Variants in ANXA6 observed in about 807,000 individuals in gnomAD.
ANXA6 encodes 67 kDa calelectrin.
A neutral mutation model predicts 95.4 loss-of-function variants in ANXA6; 71 were observed. That is an observed-to-expected ratio of 0.74 (90% CI 0.61 to 0.91). The LOEUF (loss-of-function observed/expected upper bound fraction) is 0.91. Ranked by LOEUF, ANXA6 falls within the 40% of genes least tolerant of loss-of-function variation. ANXA6 has a pLI of 0.00. For synonymous variants in ANXA6, 289 were observed against 315.9 expected (o/e 0.91, Z 0.90); for missense variants, 830 against 876.4 (o/e 0.95, Z 0.67).
intron 23 of ANXA6, among the ~76,000 whole-genome samples, chr5:151,107,886 T>C (rs1561564827): frequency 2.0e-5 from 3 of 149,270 alleles, no homozygotes; most frequent in African/African-American, 7.3e-5. Context: ...TGTATGTGTC[T>C]TGTATGTGTG....
At chr5:151,127,575 C>A (rs1765362688) in intron 13 of ANXA6, among the ~76,000 whole-genome samples, 1 of 152,350 alleles carries the variant, frequency 6.6e-6, no homozygotes, top group South Asian at 2.1e-4. Flanking sequence ...GGCTCTTCCC[C>A]TTCCTCCTTG....
At chr5:151,103,860 C>T (rs946219471) in intron 24 of ANXA6, among the ~76,000 whole-genome samples, 168 bp from the exon 25 acceptor site, 3 of 152,216 alleles carry the variant, frequency 2.0e-5, no homozygotes, top group East Asian at 3.8e-4. Context: ...CCCTCTGTGC[C>T]CAGGACTGGC....
chr5:151,153,204 C>A (rs1766150286), intron 1 of ANXA6, among the ~76,000 whole-genome samples: 1 of 152,172 alleles, frequency 6.6e-6, no homozygotes, highest in Non-Finnish European at 1.5e-5. Flanking sequence ...ACGCCTTCCA[C>A]CAACATTTTT....
At chr5:151,139,767 G>T (rs532424134) in intron 3 of ANXA6, among the ~76,000 whole-genome samples, 1 of 152,266 alleles carries the variant, frequency 6.6e-6, no homozygotes, top group South Asian at 2.1e-4. Flanking sequence ...GAAAACCCAG[G>T]TATCCTAACA....
At chr5:151,129,255 T>C (rs1172779350) in intron 12 of ANXA6, among the ~76,000 whole-genome samples, 152 bp downstream of exon 12, 2 of 152,224 alleles carry the variant, frequency 1.3e-5, no homozygotes, top group African/African-American at 4.8e-5. Flanking sequence ...TATCCTTAAA[T>C]TCCTTGAATG....
At chr5:151,108,016 CTGTGTGTGA>C (rs1274653247) in intron 23 of ANXA6, among the ~76,000 whole-genome samples, 1 of 151,734 alleles carries the variant, frequency 6.6e-6, no homozygotes, top group East Asian at 1.9e-4. Context: ...ATAATGTGTT[CTGTGTGTGA>C]TGTGTGTATG....
At chr5:151,112,374 GA>G (rs1210057997) in intron 20 of ANXA6, among the ~76,000 whole-genome samples, 1 of 152,120 alleles carries the variant, frequency 6.6e-6, no homozygotes, top group African/African-American at 2.4e-5. Flanking sequence ...CACCTTTGAG[GA>G]GAGGGACTAT....
chr5:151,129,972 G>A (rs912712541), intron 11 of ANXA6, among the ~76,000 whole-genome samples: 4 of 152,158 alleles, frequency 2.6e-5, no homozygotes, highest in Non-Finnish European at 5.9e-5. Flanking sequence ...AAAATGCTAC[G>A]ATTACACACA....
At position 151,122,939 on chromosome 5, in the gene ANXA6, G is replaced by T. The variant is rs769535547; in HGVS notation, c.1211C>A (p.Thr404Asn). ...TACCCGGCCAAAGTGAGACTTGAAG[G>T]TCTGCCGGATCTGCTGCCGCTGGAC... ...SNVQRQQIRQ[T>N]FKSHFGRDLM... The change falls in exon 16 of 26, where the codon ACC (threonine) becomes AAC (asparagine). Residue 404 changes from threonine (T) to asparagine (N), a missense_variant. Transcript: ENST00000354546. The T allele has an allele frequency of 2.1e-5, 34 of 1,613,848 alleles. No individual in the cohort carries two copies. Among genetic ancestry groups the T allele is most frequent in the East Asian group, 1.1e-4 (5 of 44,904 alleles).
At chr5:151,104,264 T>G (rs6896621) in intron 24 of ANXA6, among the ~76,000 whole-genome samples, 115,986 of 152,150 alleles carry the variant, frequency 0.76, 44,956 homozygotes, top group African/African-American at 0.92. Context: ...ATAAATTTCT[T>G]TTGTCACCCA....
Position 151,101,281 on chromosome 5 carries a change from G to C in ANXA6, c.*167C>G, listed in dbSNP as rs548403203. ...CCGTGCTGGGCCCTCGATGGCCCGT[G>C]GGAGTGGGAGCGTTTCCTAAGCTCC... On this transcript the variant is annotated 3_prime_UTR_variant, in exon 26 of 26. Coordinates refer to ENST00000354546, the MANE Select transcript of ANXA6 (RefSeq NM_001155.5). 3.0e-6 allele frequency: 2 copies of C among 675,948 alleles called. No individual in the cohort carries two copies. The highest frequency in any genetic ancestry group is 3.5e-5 in the South Asian group (2 of 57,738). 41.9% of individuals were successfully genotyped at this position (675,948 alleles called of 1,614,324 possible). A position where few individuals can be genotyped will look rare whatever the true frequency, so the allele number is the denominator to read the frequency against.
At chr5:151,120,212 A>C (rs4958898) in intron 17 of ANXA6, among the ~76,000 whole-genome samples, 7,484 of 152,110 alleles carry the variant, frequency 0.049, 344 homozygotes, top group South Asian at 0.19. Flanking sequence ...GAGGCGTTAC[A>C]TGCCCTGGAC....
At chr5:151,105,044 C>T (rs1051181375) in intron 24 of ANXA6, among the ~76,000 whole-genome samples, 3 of 152,286 alleles carry the variant, frequency 2.0e-5, no homozygotes, top group South Asian at 2.1e-4. Context: ...AAATATCCTC[C>T]GGGGCGGGGG....
At chr5:151,139,173 C>T in intron 4 of ANXA6, 180 bp downstream of exon 4, 1 of 598,694 alleles carries the variant, frequency 1.7e-6, no homozygotes, top group East Asian at 2.8e-5. Flanking sequence ...ACAGCAGGTG[C>T]TGTGGGTGTA....
At chr5:151,152,707 T>C (rs549204049) in intron 1 of ANXA6, among the ~76,000 whole-genome samples, 1 of 152,290 alleles carries the variant, frequency 6.6e-6, no homozygotes, top group Non-Finnish European at 1.5e-5. Flanking sequence ...TTATGTCCCA[T>C]TTTTATTTGT....
At chr5:151,117,614 A>G (rs2113908823) in intron 19 of ANXA6, 144 bp downstream of exon 19, 1 of 704,092 alleles carries the variant, frequency 1.4e-6, no homozygotes, top group Middle Eastern at 3.7e-4. Flanking sequence ...TAGGCGGTGG[A>G]ACTCTAAGGA....
chr5:151,125,772 C>T (rs564389086), intron 14 of ANXA6, among the ~76,000 whole-genome samples: 1 of 152,208 alleles, frequency 6.6e-6, no homozygotes, highest in Non-Finnish European at 1.5e-5. Context: ...GAACACTGTC[C>T]TAGAACATCA....
At chr5:151,131,361 CTT>C (rs771706824) in intron 10 of ANXA6, 72 bp from the exon 11 acceptor site, 75 of 1,493,750 alleles carry the variant, frequency 5.0e-5, no homozygotes, top group Middle Eastern at 3.4e-4. Flanking sequence ...CTGACTCCCT[CTT>C]TGTTTCTATT....
intron 7 of ANXA6, among the ~76,000 whole-genome samples, chr5:151,135,468 G>C (rs1332549994): frequency 6.6e-6 from 1 of 152,166 alleles, no homozygotes. Flanking sequence ...GGTATAAAAG[G>C]GAAATGGGGG....
Sources: gnomAD v4.1 joint callset for allele counts (sites outside exome capture counted in the v4.1 genomes callset) on GRCh38, gnomAD v4.1.1 for gene constraint, MANE v1.5 for transcripts, NCBI Gene and HGNC (gene_info 2026-07-23, HGNC 2026-07-21) for gene names.